Variants in ATG2B observed in about 807,000 individuals in gnomAD.
The protein encoded by ATG2B is autophagy-related protein 2 homolog B.
ATG2B carries 121 observed loss-of-function variants against 241.3 expected under a neutral mutation model. That is an observed-to-expected ratio of 0.50 (90% CI 0.43 to 0.58). ATG2B has a LOEUF of 0.58. Ranked by LOEUF, ATG2B falls within the 20% of genes least tolerant of loss-of-function variation. The pLI is 0.00. For synonymous variants in ATG2B, 858 were observed against 876.6 expected (o/e 0.98, Z 0.37); for missense variants, 2,306 against 2,491.6 (o/e 0.93, Z 1.59).
chr14:96,354,782 G>A (rs1284993753), intron 1 of ATG2B, among the ~76,000 whole-genome samples: 3 of 151,956 alleles, frequency 2.0e-5, no homozygotes, highest in Admixed American at 6.6e-5. Flanking sequence ...TCACCAGCCC[G>A]TGTGTTTTGT....
Position 96,322,599 on chromosome 14 carries a change from G to T in ATG2B, c.2677C>A (p.Leu893Ile), listed in dbSNP as rs749224011. The T allele has an allele frequency of 1.9e-6, 3 of 1,613,586 alleles. No homozygotes were observed. Among genetic ancestry groups the T allele is most frequent in the East Asian group, 2.2e-5 (1 of 44,844 alleles). Residue 893 changes from leucine (L) to isoleucine (I), a missense_variant, in exon 17 of 42, where the codon CTA becomes ATA. Leu to Ile is a conservative substitution (Grantham distance 5). Transcript: ENST00000359933. ...GAHSLKDVCD[L>I]RRPAPSPFSS... ...AAAGGAGATGGGGCTGGTCTTCTTA[G>T]ATCACAAACATCTTTCAAGGAATGA... is the stretch of plus-strand genomic sequence containing the variant.
chr14:96,307,300 AC>A (rs775565616), intron 29 of ATG2B, among the ~76,000 whole-genome samples: 4 of 152,136 alleles, frequency 2.6e-5, no homozygotes, highest in African/African-American at 4.8e-5. Flanking sequence ...AGTCCCAGCT[AC>A]CTGGGAGGCC....
chr14:96,298,893 A>G (rs1036185935), intron 34 of ATG2B, among the ~76,000 whole-genome samples: 33 of 151,478 alleles, frequency 2.2e-4, no homozygotes, highest in African/African-American at 7.7e-4. Context: ...ATTTTAGTGT[A>G]TGTAAATTAT....
Position 96,362,966 on chromosome 14 carries a change from G to T in ATG2B, c.11C>A (p.Pro4Gln). 6.2e-7 allele frequency: 1 copy of T among 1,613,438 alleles called. No homozygotes were observed. Among genetic ancestry groups the T allele is most frequent in the South Asian group, 1.1e-5 (1 of 91,048 alleles). MPW[P>Q]FSESIKKRAC... ...CCTCTTCTTGATGGACTCCGAAAAC[G>T]GCCAAGGCATAGTGACTGCTGGCAG... is the stretch of plus-strand genomic sequence containing the variant. The change falls in exon 1 of 42, where the codon CCG (proline) becomes CAG (glutamine). Residue 4 changes from proline (P) to glutamine (Q), a missense_variant. Coordinates refer to ENST00000359933, the MANE Select transcript of ATG2B (RefSeq NM_018036.7).
Position 96,291,599 on chromosome 14 carries a change from C to A in ATG2B, c.5579+1G>T, listed in dbSNP as rs779876690. On this transcript the variant is annotated splice_donor_variant, in intron 38 of 41. Coordinates refer to ENST00000359933, the MANE Select transcript of ATG2B (RefSeq NM_018036.7). LOFTEE classifies it high-confidence loss of function. ...AAGCTTCATATAATAAATTCACTTACCCATGTCGATAGGAAAGCCTCTTGA... is the reference window on the plus strand; with the variant it reads ...AAGCTTCATATAATAAATTCACTTAACCATGTCGATAGGAAAGCCTCTTGA... 1.1e-5 allele frequency: 18 copies of A among 1,594,428 alleles called. No individual in the cohort carries two copies. The highest frequency in any genetic ancestry group is 1.5e-5 in the Non-Finnish European group (17 of 1,166,820).
intron 34 of ATG2B, among the ~76,000 whole-genome samples, chr14:96,301,805 G>A (rs899454913): frequency 8.6e-5 from 13 of 151,862 alleles, no homozygotes; most frequent in African/African-American, 2.9e-4. Context: ...GTAGGAGACT[G>A]GGGAATAACA....
chr14:96,352,330 T>C (rs1888347438), intron 1 of ATG2B, among the ~76,000 whole-genome samples: 1 of 152,184 alleles, frequency 6.6e-6, no homozygotes, highest in South Asian at 2.1e-4. Flanking sequence ...GCTTCTGTTT[T>C]AATACCTATA....
intron 37 of ATG2B, 37 bp downstream of exon 37, chr14:96,291,989 TATG>T (rs753525732): frequency 7.5e-7 from 1 of 1,342,204 alleles, no homozygotes; most frequent in African/African-American, 1.5e-5. Flanking sequence ...TAGAGAAACA[TATG>T]ATAATTTTGT....
rs771348759 is a variant in ATG2B at position 96,312,119 on chromosome 14, A to G, written c.3883T>C (p.Cys1295Arg). ...CTCAGATTTATAGTGACAGTATTGC[A>G]TTTGTCAGATAGATGTAAAGCAGCT... ...DEAALHLSDK[C>R]NTVTINLSRD... Residue 1295 changes from cysteine (C) to arginine (R), a missense_variant, in exon 26 of 42, where the codon TGC becomes CGC. By Grantham distance (180) the Cys-to-Arg change is radical. Coordinates refer to ENST00000359933, the MANE Select transcript of ATG2B (RefSeq NM_018036.7). The G allele has an allele frequency of 2.5e-6, 4 of 1,603,236 alleles. No individual in the cohort carries two copies. The highest frequency in any genetic ancestry group is 3.4e-6 in the Non-Finnish European group (4 of 1,177,012).
At chr14:96,301,246 C>T (rs1178522634) in intron 34 of ATG2B, among the ~76,000 whole-genome samples, 2 of 152,166 alleles carry the variant, frequency 1.3e-5, no homozygotes, top group East Asian at 3.8e-4. Context: ...CTATTTCTCC[C>T]ATTTTATCAG....
intron 31 of ATG2B, 40 bp downstream of exon 31, chr14:96,305,549 T>A (rs553155219): frequency 7.3e-7 from 1 of 1,360,744 alleles, no homozygotes; most frequent in East Asian, 2.4e-5. Flanking sequence ...GAAAAGAATA[T>A]ATTGGCCTCC....
chr14:96,329,374 C>A (rs143252793), intron 12 of ATG2B, 110 bp downstream of exon 12: 1 of 664,014 alleles, frequency 1.5e-6, no homozygotes, highest in Non-Finnish European at 2.4e-6. Context: ...TGACAATATT[C>A]CTCCTATGGC....
In ATG2B at chr14:96,342,123, A is replaced by G. The variant is rs143627415; in HGVS notation, c.745-422T>C. 4.4e-3 allele frequency among the ~76,000 whole-genome samples: 673 copies of G among 152,328 alleles called. 26 individuals carry two copies. The South Asian group carries it at 0.067, about 15-fold the overall frequency. On this transcript the variant is annotated intron_variant, in intron 5 of 41. Transcript: ENST00000359933. ...TTTTTAAAGAGATGATTTGTAGAAT[A>G]AAATTTCATCAATACAGTCACTATG...
At chr14:96,315,092 T>A in intron 23 of ATG2B, 62 bp downstream of exon 23, 1 of 1,180,116 alleles carries the variant, frequency 8.5e-7, no homozygotes, top group Non-Finnish European at 1.2e-6. Flanking sequence ...CTTTTCAGTA[T>A]GTGTATTAGA....
rs1454983591 is a variant in ATG2B, at chr14:96,331,556, G to C, written c.1550C>G (p.Ser517Cys). 2 of 1,614,132 alleles carry C rather than the reference G, an allele frequency of 1.2e-6. No homozygotes were observed. The highest frequency in any genetic ancestry group is 1.1e-5 in the South Asian group (1 of 91,078). Reference sequence around the variant, plus strand: ...AGATAAAGGATCAATGTGAAGCACAGAGATTGAAAAAGTTCCCACAGCTAG... The same window carrying C: ...AGATAAAGGATCAATGTGAAGCACACAGATTGAAAAAGTTCCCACAGCTAG... ...FRLAVGTFSISVLHIDPLSPP... is the reference protein window; with the variant it reads ...FRLAVGTFSICVLHIDPLSPP... Residue 517 changes from serine to cysteine, a missense_variant, in exon 11 of 42, where the codon TCT (serine) becomes TGT (cysteine). Ser to Cys is a moderately radical substitution (Grantham distance 112). Transcript: ENST00000359933.
chr14:96,335,722 A>G (rs911250712), intron 6 of ATG2B, among the ~76,000 whole-genome samples: 7 of 152,182 alleles, frequency 4.6e-5, no homozygotes, highest in African/African-American at 1.7e-4. Context: ...CCAAGCCATG[A>G]GCCAACCTAA....
chr14:96,315,076 T>C, intron 23 of ATG2B, 78 bp downstream of exon 23: 2 of 1,016,786 alleles, frequency 2.0e-6, no homozygotes, highest in South Asian at 1.4e-5. Flanking sequence ...ATTTATGACT[T>C]ACAAACTTTT....
At chr14:96,325,091 C>T (rs1230746304) in intron 15 of ATG2B, among the ~76,000 whole-genome samples, 1 of 152,166 alleles carries the variant, frequency 6.6e-6, no homozygotes, top group African/African-American at 2.4e-5. Flanking sequence ...ATAAAAGTCA[C>T]TAGCGATTAG....
intron 1 of ATG2B, among the ~76,000 whole-genome samples, chr14:96,351,510 CAGATTGCCTGAGGTCAGG>C (rs899922251): frequency 7.2e-5 from 11 of 151,872 alleles, no homozygotes; most frequent in Non-Finnish European, 1.6e-4. Context: ...CTGAGGCAGG[CAGATTGCCTGAGGTCAGG>C]AGTTTGAGAC....
Sources: gnomAD v4.1 joint callset for allele counts (sites outside exome capture counted in the v4.1 genomes callset) on GRCh38, gnomAD v4.1.1 for gene constraint, MANE v1.5 for transcripts, NCBI Gene and HGNC (gene_info 2026-07-23, HGNC 2026-07-21) for gene names.